Variants in NR2C1 observed in about 807,000 individuals in gnomAD.
NR2C1 encodes the protein nuclear receptor subfamily 2 group C member 1.
NR2C1 carries 33 observed loss-of-function variants against 74.8 expected under a neutral mutation model. The ratio of observed to expected loss-of-function variants is 0.44; its 90% confidence interval spans 0.33 to 0.59. The LOEUF is 0.59. NR2C1 is among the 20% of genes least tolerant of loss of function. The probability of loss-of-function intolerance (pLI) is 0.02; values close to 1 mark genes in which losing one functional copy is unlikely to be tolerated. For missense variants in NR2C1, 568 were observed against 715.6 expected, an observed-to-expected ratio of 0.79 and a Z score of 2.35; for synonymous variants, 225 against 240.6, an observed-to-expected ratio of 0.94 and a Z score of 0.60.
intron 2 of NR2C1, among the ~76,000 whole-genome samples, chr12:95,066,669 C>T (rs767325979): frequency 6.6e-6 from 1 of 152,116 alleles, no homozygotes; most frequent in African/African-American, 2.4e-5. Flanking sequence ...AATTTTGTAA[C>T]ATTATACACT....
intron 11 of NR2C1, chr12:95,030,571 G>T (rs753080615): frequency 6.2e-7 from 1 of 1,613,240 alleles, no homozygotes; most frequent in East Asian, 2.2e-5. Flanking sequence ...AGATGGGAAT[G>T]TGATGCTGCC....
intron 9 of NR2C1, among the ~76,000 whole-genome samples, chr12:95,048,447 A>C (rs1186319265): frequency 6.6e-6 from 1 of 152,246 alleles, no homozygotes; most frequent in African/African-American, 2.4e-5. Context: ...GCTAACTTTT[A>C]AACGCAATAA....
chr12:95,065,610 C>A (rs545826046), intron 2 of NR2C1, among the ~76,000 whole-genome samples: 15 of 152,148 alleles, frequency 9.9e-5, no homozygotes, highest in Admixed American at 9.2e-4. Context: ...ATCCTGTATG[C>A]TATAAACAAT....
chr12:95,058,420 A>G lies in NR2C1; in HGVS notation c.434T>C (p.Leu145Ser). ...CTTTGATCCTCGACATGAATATACT[A>G]AATTTTTTCGGATGCTTCTTTTAAA... ...GFFKRSIRKN[L>S]VYSCRGSKDC... Residue 145 changes from leucine (L) to serine (S), a missense_variant, in exon 5 of 14, where the codon TTA (leucine) becomes TCA (serine). Leu to Ser is a moderately radical substitution (Grantham distance 145). Coordinates refer to ENST00000333003, the MANE Select transcript of NR2C1 (RefSeq NM_003297.4). 6.2e-7 allele frequency: 1 copy of G among 1,613,690 alleles called. No individual in the cohort carries two copies. Among genetic ancestry groups the G allele is most frequent in the Non-Finnish European group, 8.5e-7 (1 of 1,179,834 alleles).
At chr12:95,030,302 T>C (rs1565834753) in intron 11 of NR2C1, 2 of 416,210 alleles carry the variant, frequency 4.8e-6, no homozygotes, top group Admixed American at 9.3e-5. Context: ...TTATATTGGT[T>C]GGGAAAAAAT....
chr12:95,056,514 G>A (rs1415397283), intron 7 of NR2C1, among the ~76,000 whole-genome samples: 1 of 152,192 alleles, frequency 6.6e-6, no homozygotes, highest in Non-Finnish European at 1.5e-5. Flanking sequence ...AGCTCTTGCA[G>A]TCCTATTCCT....
rs79284168 is a variant in NR2C1 at position 95,037,963 on chromosome 12, T to C, written c.1253+2513A>G. The stretch of plus-strand genomic sequence containing the variant: ...TTTTAGAATAGCTTTTATTTCCATA[T>C]AATAGAATTTTTCCATCATGAGCAC... On this transcript the variant is annotated intron_variant, in intron 10 of 13. Coordinates refer to ENST00000333003, the MANE Select transcript of NR2C1 (RefSeq NM_003297.4). Among the ~76,000 whole-genome samples the C allele has an allele frequency of 5.5e-3, 835 of 150,758 alleles. 7 individuals carry two copies. The highest frequency in any genetic ancestry group is 0.019 in the African/African-American group (788 of 41,044).
chr12:95,058,516 T>TA (rs754416639), intron 4 of NR2C1, 27 bp from the exon 5 acceptor site: 1 of 1,569,684 alleles, frequency 6.4e-7, no homozygotes, highest in African/African-American at 1.4e-5. Context: ...TAAGAAAATA[T>TA]AAAAGTCACA....
chr12:95,039,083 C>A (rs76000631), intron 10 of NR2C1, among the ~76,000 whole-genome samples: 7,404 of 151,868 alleles, frequency 0.049, 230 homozygotes, highest in Middle Eastern at 0.095. Flanking sequence ...CAAAAAAAAC[C>A]CCAGAAAACT....
intron 4 of NR2C1, among the ~76,000 whole-genome samples, chr12:95,058,709 T>C (rs1017322782): frequency 4.6e-5 from 7 of 152,200 alleles, no homozygotes; most frequent in African/African-American, 1.7e-4. Flanking sequence ...GCGATCACAG[T>C]TCACTGCAGT....
At chr12:95,062,983 C>A in intron 2 of NR2C1, 1 of 533,614 alleles carries the variant, frequency 1.9e-6, no homozygotes, top group Non-Finnish European at 3.3e-6. Context: ...CTCCCATGTT[C>A]CATTTAGACA....
intron 10 of NR2C1, among the ~76,000 whole-genome samples, chr12:95,034,399 T>A (rs1870555775): frequency 6.6e-6 from 1 of 152,164 alleles, no homozygotes; most frequent in South Asian, 2.1e-4. Context: ...AAATAAAGGA[T>A]ACTATTTTCA....
Position 95,020,243 on chromosome 12 carries a change from AATAAT to A in NR2C1, c.*1981_*1985del, listed in dbSNP as rs1244526935. On this transcript the variant is annotated 3_prime_UTR_variant, in exon 14 of 14. Coordinates refer to ENST00000333003, the MANE Select transcript of NR2C1 (RefSeq NM_003297.4). ...TAAGCAATCACTGAAAAGGAAAATG[AATAAT>A]ATATTTACAAATATACTGGTAAGAC... is the stretch of plus-strand genomic sequence containing the variant. The A allele has an allele frequency of 6.6e-6, 1 of 152,194 alleles. No individual in the cohort carries two copies. Among genetic ancestry groups the A allele is most frequent in the Non-Finnish European group, 1.5e-5 (1 of 68,036 alleles). The allele number at this position is 152,194 out of a possible 1,614,324, so 9.4% of individuals were successfully genotyped here. A position where few individuals can be genotyped will look rare whatever the true frequency, so the allele number is the denominator to read the frequency against.
chr12:95,052,610 T>A (rs552359032), intron 7 of NR2C1, among the ~76,000 whole-genome samples: 1 of 152,100 alleles, frequency 6.6e-6, no homozygotes, highest in Non-Finnish European at 1.5e-5. Flanking sequence ...TGTGCACTGC[T>A]ATGCCTGGGT....
intron 7 of NR2C1, among the ~76,000 whole-genome samples, chr12:95,053,269 C>T (rs745376992): frequency 3.1e-4 from 47 of 151,896 alleles, no homozygotes; most frequent in Non-Finnish European, 4.3e-4. Context: ...CCACCGTGCC[C>T]GGCTTGTCTT....
At chr12:95,061,915 A>C (rs1304745730) in intron 3 of NR2C1, among the ~76,000 whole-genome samples, 3 of 152,250 alleles carry the variant, frequency 2.0e-5, no homozygotes, top group Non-Finnish European at 4.4e-5. Flanking sequence ...ATGTTAACAT[A>C]TACTACTTCA....
rs1874098829 is a variant in NR2C1 at position 95,057,545 on chromosome 12, A to G, written c.783+8T>C. 2 of 1,590,202 alleles carry G rather than the reference A, an allele frequency of 1.3e-6. No individual in the cohort carries two copies. The highest frequency in any genetic ancestry group is 1.7e-6 in the Non-Finnish European group (2 of 1,164,258). On this transcript the variant is annotated splice_region_variant and intron_variant, in intron 7 of 13. Coordinates refer to ENST00000333003, the MANE Select transcript of NR2C1 (RefSeq NM_003297.4). Reference sequence around the variant, plus strand: ...AATTATCTAAGCTTTAAATTGTACTAAACACACCTTATCTGATGTCATCAG... The same window carrying G: ...AATTATCTAAGCTTTAAATTGTACTGAACACACCTTATCTGATGTCATCAG...
intron 9 of NR2C1, among the ~76,000 whole-genome samples, chr12:95,042,429 T>G (rs751266177): frequency 1.3e-5 from 2 of 152,068 alleles, no homozygotes; most frequent in Non-Finnish European, 2.9e-5. Context: ...GCCAGGCTCG[T>G]CTCAAACTCC....
At chr12:95,045,131 A>G (rs1488292717) in intron 9 of NR2C1, among the ~76,000 whole-genome samples, 1 of 152,220 alleles carries the variant, frequency 6.6e-6, no homozygotes, top group African/African-American at 2.4e-5. Flanking sequence ...GTATGACCCT[A>G]GATTACATAT....
Sources: allele counts gnomAD v4.1 joint callset (sites outside exome capture counted in the v4.1 genomes callset), GRCh38; gene constraint gnomAD v4.1.1; transcripts MANE v1.5; gene names NCBI Gene and HGNC (gene_info 2026-07-23, HGNC 2026-07-21).